DLG2: variants seen among roughly 807,000 people sequenced by gnomAD.
DLG2 encodes disks large homolog 2.
Under a neutral mutation model 132.5 loss-of-function variants are expected in DLG2, and 45 were observed. That is an observed-to-expected ratio of 0.34 (90% CI 0.27 to 0.44). The LOEUF is 0.44. Among genes scored for constraint, DLG2 ranks in the 20% least tolerant of loss-of-function variants. The pLI is 1.00. For missense variants in DLG2, 1,045 were observed against 1,196.9 expected (o/e 0.87, Z 1.87); for synonymous variants, 424 against 419.6 (o/e 1.01, Z -0.13).
At chr11:85,130,751 C>T (rs1043809612) in intron 5 of DLG2, among the ~76,000 whole-genome samples, 10 of 152,258 alleles carry the variant, frequency 6.6e-5, no homozygotes, top group African/African-American at 2.4e-4. Context: ...TCTTGTCAAA[C>T]AGTCCCAAGA....
At chr11:84,267,271 T>A (rs1461938309) in intron 7 of DLG2, among the ~76,000 whole-genome samples, 10 of 152,148 alleles carry the variant, frequency 6.6e-5, no homozygotes, top group Admixed American at 6.5e-4. Flanking sequence ...CTACTCTTAT[T>A]TTTCCTCAGG....
intron 7 of DLG2, among the ~76,000 whole-genome samples, chr11:84,282,102 G>T (rs1473351476): frequency 6.6e-6 from 1 of 152,112 alleles, no homozygotes; most frequent in African/African-American, 2.4e-5. Context: ...ATAGCCAAAA[G>T]CTTGAAATAA....
intron 19 of DLG2, among the ~76,000 whole-genome samples, chr11:83,579,496 A>G (rs2096933791): frequency 6.6e-6 from 1 of 152,250 alleles, no homozygotes; most frequent in Non-Finnish European, 1.5e-5. Context: ...GACAAAATTA[A>G]TGCAAATTAT....
intron 9 of DLG2, among the ~76,000 whole-genome samples, chr11:84,163,138 A>C (rs2095584383): frequency 6.6e-6 from 1 of 152,178 alleles, no homozygotes; most frequent in South Asian, 2.1e-4. Context: ...ATCTTGTAAC[A>C]TATCTAAATA....
intron 9 of DLG2, among the ~76,000 whole-genome samples, chr11:84,100,884 G>T (rs1378642158): frequency 6.6e-6 from 1 of 151,998 alleles, no homozygotes; most frequent in Non-Finnish European, 1.5e-5. Flanking sequence ...TTTCCAGAGG[G>T]TTGTTTTTAC....
At chr11:85,350,753 G>A (rs191298641) in intron 3 of DLG2, among the ~76,000 whole-genome samples, 25 of 152,294 alleles carry the variant, frequency 1.6e-4, no homozygotes, top group East Asian at 5.8e-4. Context: ...CCTCTGTTCT[G>A]TTCCATTGGT....
chr11:83,478,960 A>T (rs1214119536), intron 22 of DLG2, among the ~76,000 whole-genome samples: 7 of 151,960 alleles, frequency 4.6e-5, no homozygotes, highest in Non-Finnish European at 7.4e-5. Context: ...TTTTTTCTGA[A>T]ATTAGGATAA....
At chr11:85,496,888 C>T (rs554635545) in intron 3 of DLG2, among the ~76,000 whole-genome samples, 3 of 152,192 alleles carry the variant, frequency 2.0e-5, no homozygotes, top group African/African-American at 7.2e-5. Context: ...TCAACGTCAA[C>T]AAAAAGGACG....
intron 9 of DLG2, among the ~76,000 whole-genome samples, chr11:84,147,752 G>A (rs1305730545): frequency 2.0e-5 from 3 of 152,018 alleles, no homozygotes; most frequent in African/African-American, 7.2e-5. Flanking sequence ...TCACATATGT[G>A]CACACATATA....
intron 3 of DLG2, among the ~76,000 whole-genome samples, chr11:85,287,889 A>G (rs1201122593): frequency 6.6e-6 from 1 of 152,164 alleles, no homozygotes; most frequent in Non-Finnish European, 1.5e-5. Flanking sequence ...TATGAAAAAA[A>G]TTTTGTAAAG....
intron 2 of DLG2, among the ~76,000 whole-genome samples, chr11:85,603,844 G>A (rs573728597): frequency 2.0e-5 from 3 of 152,098 alleles, no homozygotes; most frequent in Admixed American, 2.0e-4. Flanking sequence ...TTAAGCCCAG[G>A]AGTTCGAGGC....
At chr11:84,180,627 T>C (rs1050340819) in intron 8 of DLG2, among the ~76,000 whole-genome samples, 2 of 152,072 alleles carry the variant, frequency 1.3e-5, no homozygotes, top group African/African-American at 4.8e-5. Context: ...GCATACCATA[T>C]TCAAACTTCA....
chr11:84,717,381 ATTT>A (rs1229169928), intron 6 of DLG2, among the ~76,000 whole-genome samples: 1 of 151,936 alleles, frequency 6.6e-6, no homozygotes, highest in Non-Finnish European at 1.5e-5. Context: ...CTTATTTTAT[ATTT>A]TTTTCTTAAA....
At chr11:85,324,920 G>C (rs367849004) in intron 3 of DLG2, among the ~76,000 whole-genome samples, 1 of 147,730 alleles carries the variant, frequency 6.8e-6, no homozygotes, top group Non-Finnish European at 1.5e-5. Flanking sequence ...TGTGCGCACC[G>C]TGCGCGAGCC....
chr11:84,980,542 C>T (rs901455932), intron 6 of DLG2, among the ~76,000 whole-genome samples: 2 of 152,114 alleles, frequency 1.3e-5, no homozygotes, highest in African/African-American at 4.8e-5. Flanking sequence ...TTCATGTCCC[C>T]CTGGAACTAG....
chr11:85,093,786 C>T (rs1173339671), intron 6 of DLG2, among the ~76,000 whole-genome samples: 1 of 152,148 alleles, frequency 6.6e-6, no homozygotes, highest in Non-Finnish European at 1.5e-5. Context: ...ATGGTAGCTA[C>T]AATTCAAGAT....
rs1183459468 is a variant in DLG2, at chr11:84,934,546, T to TTTTTTTTTTTTTTTG, written c.357+177114_357+177115insCAAAAAAAAAAAAAA. On this transcript the variant is annotated intron_variant, in intron 6 of 27. Transcript: ENST00000376104. The stretch of plus-strand genomic sequence containing the variant: ...TTTTGTTTTTTTTTTTTTTTTTTTT[T>TTTTTTTTTTTTTTTG]GGTGGGTAGGCTATTTATTACTGTC... Among the ~76,000 whole-genome samples the TTTTTTTTTTTTTTTG allele has an allele frequency of 5.4e-5, 7 of 128,718 alleles. 1 individual carries two copies. Among genetic ancestry groups the TTTTTTTTTTTTTTTG allele is most frequent in the East Asian group, 2.7e-4 (1 of 3,730 alleles). The allele number at this position is 128,718 out of a possible 152,430, so 84.4% of individuals were successfully genotyped here.
At chr11:85,264,082 G>A (rs1458347172) in intron 4 of DLG2, among the ~76,000 whole-genome samples, 2 of 151,802 alleles carry the variant, frequency 1.3e-5, no homozygotes, top group Non-Finnish European at 2.9e-5. Flanking sequence ...AGGATGTTGT[G>A]CCAACAGGTT....
At chr11:83,569,160 T>C (rs958171685) in intron 19 of DLG2, among the ~76,000 whole-genome samples, 1 of 151,694 alleles carries the variant, frequency 6.6e-6, no homozygotes, top group Non-Finnish European at 1.5e-5. Context: ...AAAATCTGTT[T>C]TAAGTACAGA....
Sources: allele counts gnomAD v4.1 joint callset (sites outside exome capture counted in the v4.1 genomes callset), GRCh38; gene constraint gnomAD v4.1.1; transcripts MANE v1.5; gene names NCBI Gene and HGNC (gene_info 2026-07-23, HGNC 2026-07-21).